The following FGF8 variants were observed in gnomAD, a reference collection of about 807,000 sequenced individuals.
FGF8 encodes the protein androgen-induced growth factor.
A neutral mutation model predicts 29.7 loss-of-function variants in FGF8; 12 were observed. The ratio of observed to expected loss-of-function variants is 0.40; its 90% CI spans 0.26 to 0.65. FGF8 has a LOEUF of 0.65. Ranked by LOEUF, FGF8 falls within the 30% of genes least tolerant of loss-of-function variation. The probability of loss-of-function intolerance (pLI) is 0.37; values close to 1 mark genes in which losing one functional copy is unlikely to be tolerated. For synonymous variants in FGF8, 157 were observed against 144.4 expected, an observed-to-expected ratio of 1.09 and a Z score of -0.63; for missense variants, 271 against 345.1, an observed-to-expected ratio of 0.79 and a Z score of 1.70.
chr10:101,780,085 T>A (rs1174032507), upstream of FGF8, among the ~76,000 whole-genome samples: 1 of 152,104 alleles, frequency 6.6e-6, no homozygotes, highest in Non-Finnish European at 1.5e-5. Context: ...GACTTCCCTC[T>A]CCCTGCCGAC....
In FGF8 at chr10:101,775,033, TCCC is replaced by T. The variant is rs1213901955; in HGVS notation, c.156+94_156+96del. On this transcript the variant is annotated intron_variant, in intron 3 of 5. Coordinates refer to ENST00000320185, the MANE Select transcript of FGF8 (RefSeq NM_033163.5). This position sits in a 1 kb window ranked among gnomAD's most constrained non-coding sequence, Gnocchi z 4.6. ...CAAGCCGCCAGCAGGTGCTGGGGGT[TCCC>T]CCAACATGCCAGCCCAGGCCACCAT... The T allele has an allele frequency of 1.3e-6, 2 of 1,493,356 alleles. No individual in the cohort carries two copies. Among genetic ancestry groups the T allele is most frequent in the South Asian group, 2.4e-5 (2 of 84,424 alleles). The allele number at this position is 1,493,356 out of a possible 1,614,324, so 92.5% of individuals were successfully genotyped here.
At position 101,771,759 on chromosome 10, in the gene FGF8, G is replaced by A. The variant is rs1204312365; in HGVS notation, c.338-190C>T. Among the ~76,000 whole-genome samples the A allele has an allele frequency of 6.6e-6, 1 of 152,186 alleles. No individual in the cohort carries two copies. Among genetic ancestry groups the A allele is most frequent in the Non-Finnish European group, 1.5e-5 (1 of 68,034 alleles). On this transcript the variant is annotated intron_variant, in intron 4 of 5. Transcript: ENST00000320185. The surrounding 1 kb of genome is among the most constrained non-coding windows in gnomAD (Gnocchi z 5.3). ...TTTCTGGACCTCGGGCCCCACCCCT[G>A]GGTTTACAGAGGGCAGTGGACGGGA...
chr10:101,771,445 T>C lies in FGF8; in HGVS notation c.444+18A>G, dbSNP rs1039842762. The C allele has an allele frequency of 1.3e-6, 2 of 1,596,950 alleles. No individual in the cohort carries two copies. The highest frequency in any genetic ancestry group is 2.7e-5 in the African/African-American group (2 of 74,582). On this transcript the variant is annotated intron_variant, in intron 5 of 5. Transcript: ENST00000320185. The surrounding 1 kb of genome is among the most constrained non-coding windows in gnomAD (Gnocchi z 5.3). ...CTCCCTAGGTCCCGCGGACCCCACC[T>C]GCCTGCTGGGGCCTCACCTTGGCGA... is the stretch of plus-strand genomic sequence containing the variant.
chr10:101,774,133 G>T (rs1178944058), intron 4 of FGF8, among the ~76,000 whole-genome samples: 1 of 152,188 alleles, frequency 6.6e-6, no homozygotes, highest in Non-Finnish European at 1.5e-5. Context: ...GAATGTTTTA[G>T]AAATCAATCA....
At chr10:101,778,796 C>T (rs2065116978), upstream of FGF8, among the ~76,000 whole-genome samples, 3 of 152,206 alleles carry the variant, frequency 2.0e-5, no homozygotes, top group South Asian at 6.2e-4. Flanking sequence ...CCCCGCAGGC[C>T]GCTCCCTCCC....
Position 101,775,267 on chromosome 10 carries a change from G to C in FGF8, c.70-51C>G, listed in dbSNP as rs909146843. 1.6e-6 allele frequency: 2 copies of C among 1,274,844 alleles called. No individual in the cohort carries two copies. The highest frequency in any genetic ancestry group is 2.2e-6 in the Non-Finnish European group (2 of 902,496). 79.0% of individuals were successfully genotyped at this position (1,274,844 alleles called of 1,614,324 possible). ...AGGGAGGCAGCCCTCCCCGACCCCTGACATTTATAAAGACAAATTTACGGA... is the reference window on the plus strand; with the variant it reads ...AGGGAGGCAGCCCTCCCCGACCCCTCACATTTATAAAGACAAATTTACGGA... On this transcript the variant is annotated intron_variant, in intron 2 of 5. Transcript: ENST00000320185. The surrounding 1 kb of genome is among the most constrained non-coding windows in gnomAD (Gnocchi z 4.6).
Position 101,772,615 on chromosome 10 carries a change from G to A in FGF8, c.338-1046C>T, listed in dbSNP as rs925789875. ...GCTCTCCTGCCGTCCCTGCCGCAGA[G>A]CCCAGCCTCTCCCCTCCCTGAGAAA... On this transcript the variant is annotated intron_variant, in intron 4 of 5. Transcript: ENST00000320185. The surrounding 1 kb of genome is among the most constrained non-coding windows in gnomAD (Gnocchi z 4.4). Among the ~76,000 whole-genome samples, 1 of 152,218 alleles carries A rather than the reference G, an allele frequency of 6.6e-6. No homozygotes were observed. The highest frequency in any genetic ancestry group is 1.5e-5 in the Non-Finnish European group (1 of 68,042).
chr10:101,774,829 G>C lies in FGF8; in HGVS notation c.240C>G (p.Ile80Met). The C allele has an allele frequency of 6.2e-7, 1 of 1,613,788 alleles. No individual in the cohort carries two copies. Among genetic ancestry groups the C allele is most frequent in the East Asian group, 2.2e-5 (1 of 44,892 alleles). The change falls in exon 4 of 6, where the codon ATC becomes ATG. Residue 80 changes from isoleucine to methionine, a missense_variant. By Grantham distance (10) the Ile-to-Met change is conservative. This residue lies in a region of FGF8 where 168 missense variants were observed against 207.0 expected (regional missense o/e 0.81). Coordinates refer to ENST00000320185, the MANE Select transcript of FGF8 (RefSeq NM_033163.5). ...TGCGGCTGTAGAGTTGGTAGGTCCGGATGAGGCGGCGGCTGAGCTGATCCG... is the reference window on the plus strand; with the variant it reads ...TGCGGCTGTAGAGTTGGTAGGTCCGCATGAGGCGGCGGCTGAGCTGATCCG... Reference protein sequence around the residue: ...LVTDQLSRRLIRTYQLYSRTS... With the variant: ...LVTDQLSRRLMRTYQLYSRTS...
chr10:101,771,699 GCTA>G lies in FGF8; in HGVS notation c.338-133_338-131del. On this transcript the variant is annotated intron_variant, in intron 4 of 5. Transcript: ENST00000320185. The surrounding 1 kb of genome is among the most constrained non-coding windows in gnomAD (Gnocchi z 5.3). ...AAACATGGACTCCAGCTCCAGCCCAGCTACTAACATGCTGTGCAACCCAGAGAA... is the reference window on the plus strand; with the variant it reads ...AAACATGGACTCCAGCTCCAGCCCAGCTAACATGCTGTGCAACCCAGAGAA... 1 of 746,486 alleles carries G rather than the reference GCTA, an allele frequency of 1.3e-6. No individual in the cohort carries two copies. The highest frequency in any genetic ancestry group is 2.4e-6 in the Non-Finnish European group (1 of 422,230). 46.2% of individuals were successfully genotyped at this position (746,486 alleles called of 1,614,324 possible).
Position 101,775,528 on chromosome 10 carries a change from T to A in FGF8, c.69+212A>T, listed in dbSNP as rs2135001557. Reference sequence around the variant, plus strand: ...CTGGGCTCCGAGACCTTCGTTTCTATCCTGGCCACTCACTCGCTGTGTGAC... The same window carrying A: ...CTGGGCTCCGAGACCTTCGTTTCTAACCTGGCCACTCACTCGCTGTGTGAC... On this transcript the variant is annotated intron_variant, in intron 2 of 5. Transcript: ENST00000320185. This position sits in a 1 kb window ranked among gnomAD's most constrained non-coding sequence, Gnocchi z 4.6. 4.8e-6 allele frequency: 3 copies of A among 619,076 alleles called. No homozygotes were observed. The Admixed American group carries it at 8.6e-5, about 18-fold the overall frequency. The allele number at this position is 619,076 out of a possible 1,614,324, so 38.3% of individuals were successfully genotyped here. A position where few individuals can be genotyped will look rare whatever the true frequency, so the allele number is the denominator to read the frequency against.
rs2065077379 is a variant in FGF8 at position 101,775,560 on chromosome 10, A to T, written c.69+180T>A. 1.5e-6 allele frequency: 1 copy of T among 660,162 alleles called. No individual in the cohort carries two copies. The highest frequency in any genetic ancestry group is 2.6e-6 in the Non-Finnish European group (1 of 386,622). The allele number at this position is 660,162 out of a possible 1,614,324, so 40.9% of individuals were successfully genotyped here. On this transcript the variant is annotated intron_variant, in intron 2 of 5. Transcript: ENST00000320185. The surrounding 1 kb of genome is among the most constrained non-coding windows in gnomAD (Gnocchi z 4.6). ...CACTCACTCGCTGTGTGACCTCAGG[A>T]GGGGTGCTACCTCTCTGTGCCTCAG... is the stretch of plus-strand genomic sequence containing the variant.
At chr10:101,776,837 T>G, upstream of FGF8, among the ~76,000 whole-genome samples, 1 of 120,070 alleles carries the variant, frequency 8.3e-6, no homozygotes, top group Non-Finnish European at 1.7e-5. Context: ...CTATCACCCC[T>G]TCCCCTGTGC....
chr10:101,770,340 C>T lies in FGF8; in HGVS notation c.724G>A (p.Glu242Lys), dbSNP rs1374564961. ...LRGSQRTWAP[E>K]PR ...GGGCCAGGCAGCACCTATCGGGGCT[C>T]GGGGGCCCAAGTCCTCTGGCTGCCG... Residue 242 changes from glutamate (E) to lysine (K), a missense_variant, in exon 6 of 6, where the codon GAG becomes AAG. Transcript: ENST00000320185. 8.8e-6 allele frequency: 14 copies of T among 1,595,052 alleles called. No individual in the cohort carries two copies. The highest frequency in any genetic ancestry group is 4.0e-5 in the African/African-American group (3 of 74,684).
rs1057150717 is a variant in FGF8, at chr10:101,775,723, C to T, written c.69+17G>A. 5 of 1,543,602 alleles carry T rather than the reference C, an allele frequency of 3.2e-6. No individual in the cohort carries two copies. Among genetic ancestry groups the T allele is most frequent in the African/African-American group, 2.7e-5 (2 of 72,810 alleles). The stretch of plus-strand genomic sequence containing the variant: ...CACCGGCGCGCCCGGCCCCCGCCTC[C>T]GCGCACCCCTCCTCACCTGGGCTTG... On this transcript the variant is annotated intron_variant, in intron 2 of 5. Coordinates refer to ENST00000320185, the MANE Select transcript of FGF8 (RefSeq NM_033163.5). The surrounding 1 kb of genome is among the most constrained non-coding windows in gnomAD (Gnocchi z 4.6).
upstream of FGF8, among the ~76,000 whole-genome samples, chr10:101,778,187 TTGAA>T (rs566528207): frequency 3.6e-4 from 55 of 152,310 alleles, no homozygotes; most frequent in African/African-American, 1.2e-3. Flanking sequence ...GAACAAATGA[TTGAA>T]TGGAGAGATG....
chr10:101,775,813 G>A lies in FGF8; in HGVS notation c.33-37C>T. 2 of 1,536,514 alleles carry A rather than the reference G, an allele frequency of 1.3e-6. No homozygotes were observed. Among genetic ancestry groups the A allele is most frequent in the Non-Finnish European group, 1.7e-6 (2 of 1,143,086 alleles). ...AAAAGCGGGCGGGAGAGAGAGGCGC[G>A]GGTGAGGCGAGGGGCGCGGGGGGCG... On this transcript the variant is annotated intron_variant, in intron 1 of 5. Transcript: ENST00000320185. This position sits in a 1 kb window ranked among gnomAD's most constrained non-coding sequence, Gnocchi z 4.6.
At chr10:101,778,210 G>T (rs1031071298), upstream of FGF8, among the ~76,000 whole-genome samples, 4 of 152,246 alleles carry the variant, frequency 2.6e-5, no homozygotes, top group Admixed American at 1.3e-4. Context: ...TGGAGAGCAG[G>T]CACTTCCTGT....
chr10:101,770,755 G>T, intron 5 of FGF8, 136 bp from the exon 6 acceptor site: 3 of 916,650 alleles, frequency 3.3e-6, no homozygotes, highest in Non-Finnish European at 5.2e-6. Context: ...CCCTGCCTGG[G>T]CACCCGCTCT....
intron 5 of FGF8, 90 bp from the exon 6 acceptor site, chr10:101,770,709 G>A (rs2065011961): frequency 6.9e-7 from 1 of 1,443,190 alleles, no homozygotes; most frequent in South Asian, 1.2e-5. Context: ...GGGCACCCCA[G>A]CAGATGGCGA....
Sources: gnomAD v4.1 joint callset for allele counts (sites outside exome capture counted in the v4.1 genomes callset) on GRCh38, gnomAD v4.1.1 for gene constraint, gnomAD v4.1.1 regional missense constraint, Gnocchi (gnomAD v3.1) non-coding constraint, MANE v1.5 for transcripts, NCBI Gene and HGNC (gene_info 2026-07-23, HGNC 2026-07-21) for gene names.